The following SOX5 variants were observed in gnomAD, a reference collection of about 807,000 sequenced individuals.
SOX5 encodes the protein SRY-box transcription factor 5, also known as transcription factor SOX-5.
Under a neutral mutation model 92.0 loss-of-function variants are expected in SOX5, and 9 were observed. That is an observed-to-expected ratio of 0.10 (90% confidence interval 0.06 to 0.17). SOX5 has a LOEUF of 0.17. Among genes scored for constraint, SOX5 ranks in the 10% least tolerant of loss-of-function variants. SOX5 has a pLI of 1.00. For synonymous variants in SOX5, 344 were observed against 336.3 expected (o/e 1.02, Z -0.25); for missense variants, 642 against 944.5 (o/e 0.68, Z 4.20).
chr12:23,605,028 C>G (rs1003933036), intron 8 of SOX5, among the ~76,000 whole-genome samples: 1 of 75,532 alleles, frequency 1.3e-5, no homozygotes, highest in African/African-American at 5.3e-5. Context: ...CACTGAAAGG[C>G]AACGGGAAAA....
intron 1 of SOX5, among the ~76,000 whole-genome samples, chr12:23,896,852 A>C (rs573097517): frequency 1.4e-4 from 22 of 152,216 alleles, no homozygotes; most frequent in African/African-American, 5.1e-4. Context: ...CCAAAGAAGG[A>C]TATTTTGTTT....
chr12:23,845,004 C>T (rs1019299664), intron 3 of SOX5, among the ~76,000 whole-genome samples: 4 of 152,132 alleles, frequency 2.6e-5, no homozygotes, highest in African/African-American at 9.7e-5. Context: ...CCCAGTTATG[C>T]ACTTGGTAGG....
chr12:23,831,891 A>T (rs1026441775), intron 3 of SOX5, among the ~76,000 whole-genome samples: 1 of 151,130 alleles, frequency 6.6e-6, no homozygotes, highest in East Asian at 2.0e-4. Context: ...CCTGCTCAGA[A>T]GGAAGAACAC....
chr12:24,366,321 C>T (rs1181033251), intron 2 of SOX5, among the ~76,000 whole-genome samples: 1 of 152,116 alleles, frequency 6.6e-6, no homozygotes, highest in African/African-American at 2.4e-5. Flanking sequence ...GGTGATTCTG[C>T]TCTCTGCTCC....
In SOX5 at chr12:23,543,382, T is replaced by G; in HGVS notation, c.1600A>C (p.Ser534Arg). 1 of 1,612,216 alleles carries G rather than the reference T, an allele frequency of 6.2e-7. No homozygotes were observed. The highest frequency in any genetic ancestry group is 8.5e-7 in the Non-Finnish European group (1 of 1,178,760). Residue 534 changes from serine to arginine, a missense_variant and splice_region_variant, in exon 13 of 15, where the codon AGT becomes CGT. Physicochemically the swap from Ser to Arg is moderately radical, Grantham distance 110. This residue lies in a region of SOX5 where 324 missense variants were observed against 461.6 expected (regional missense o/e 0.70). Transcript: ENST00000451604. ...ATTCTTGACTCTGAGACTCCAGCAC[T>G]TCCTGAAAACAGGAAACATCACTTC... ...DFNLSGDSDG[S>R]AGVSESRIYR...
intron 9 of SOX5, among the ~76,000 whole-genome samples, chr12:23,601,044 A>G (rs562678026): frequency 1.3e-5 from 2 of 152,262 alleles, no homozygotes; most frequent in Non-Finnish European, 2.9e-5. Context: ...AAGTGAAATC[A>G]ATGTCTTGGA....
intron 14 of SOX5, 101 bp downstream of exon 14, chr12:23,536,352 T>C (rs1432190343): frequency 5.4e-6 from 5 of 932,202 alleles, no homozygotes; most frequent in African/African-American, 1.6e-5. Flanking sequence ...GCTCAGATTC[T>C]TTTTCAAAAT....
At chr12:24,080,687 G>A (rs1310777740) in intron 4 of SOX5, among the ~76,000 whole-genome samples, 2 of 151,832 alleles carry the variant, frequency 1.3e-5, no homozygotes, top group East Asian at 1.9e-4. Flanking sequence ...CCAAAATATT[G>A]TTTGCTGCAT....
intron 4 of SOX5, among the ~76,000 whole-genome samples, chr12:24,106,350 G>T (rs1438567235): frequency 6.6e-6 from 1 of 152,172 alleles, no homozygotes; most frequent in African/African-American, 2.4e-5. Flanking sequence ...AAATGGGACT[G>T]TGGATACTTA....
intron 6 of SOX5, among the ~76,000 whole-genome samples, chr12:23,717,296 AT>A (rs2140475849): frequency 6.6e-6 from 1 of 152,296 alleles, no homozygotes; most frequent in Admixed American, 6.5e-5. Flanking sequence ...AAGGCCAAAA[AT>A]ATTCCAGTTG....
chr12:23,732,765 T>C (rs1262488520), intron 6 of SOX5, among the ~76,000 whole-genome samples: 4 of 152,312 alleles, frequency 2.6e-5, no homozygotes, highest in East Asian at 1.9e-4. Flanking sequence ...AGTTCTATTA[T>C]AGTCAGAAAA....
intron 4 of SOX5, among the ~76,000 whole-genome samples, chr12:24,175,904 G>C (rs1216406835): frequency 6.6e-6 from 1 of 152,016 alleles, no homozygotes; most frequent in Admixed American, 6.6e-5. Context: ...TCTTACAAAA[G>C]GGACCCGAAC....
chr12:24,484,611 T>C (rs1440674717), intron 1 of SOX5, among the ~76,000 whole-genome samples: 1 of 152,178 alleles, frequency 6.6e-6, no homozygotes, highest in African/African-American at 2.4e-5. Context: ...TTGAATGGCT[T>C]GTGATAAAAT....
In SOX5 at chr12:24,141,277, A is replaced by T. The variant is rs566457182; in HGVS notation, c.-2+72066T>A. Reference sequence around the variant, plus strand: ...GGTTTACCAGGTGAAGCATATTTATATCCTAAGTGTTGCAAAGTGTTATTA... The same window carrying T: ...GGTTTACCAGGTGAAGCATATTTATTTCCTAAGTGTTGCAAAGTGTTATTA... On this transcript the variant is annotated intron_variant, in intron 4 of 4. Transcript: ENST00000446891. Among the ~76,000 whole-genome samples, 125 of 152,302 alleles carry T rather than the reference A, an allele frequency of 8.2e-4. No homozygotes were observed. In the Middle Eastern group the frequency reaches 0.014, roughly 17 times the overall value.
chr12:23,723,625 TACAC>T (rs1302747819), intron 6 of SOX5, among the ~76,000 whole-genome samples: 1 of 147,226 alleles, frequency 6.8e-6, no homozygotes, highest in Non-Finnish European at 1.5e-5. Flanking sequence ...CAAACACACA[TACAC>T]ACACATATAT....
intron 2 of SOX5, among the ~76,000 whole-genome samples, chr12:24,284,684 C>A (rs1945638785): frequency 6.6e-6 from 1 of 152,222 alleles, no homozygotes; most frequent in South Asian, 2.1e-4. Flanking sequence ...CAGCTGCAGT[C>A]CAGTGACCCT....
At chr12:23,695,940 C>CA (rs71059917) in intron 6 of SOX5, among the ~76,000 whole-genome samples, 1,916 of 11,876 alleles carry the variant, frequency 0.16, 636 homozygotes, top group Middle Eastern at 0.38. Context: ...GACTCTGTCT[C>CA]AAAAAAAAAA....
At chr12:23,720,606 T>C (rs1460427746) in intron 6 of SOX5, among the ~76,000 whole-genome samples, 1 of 152,114 alleles carries the variant, frequency 6.6e-6, no homozygotes, top group East Asian at 1.9e-4. Flanking sequence ...ACTGTAAAAA[T>C]GATCTTTAAA....
At chr12:23,637,255 C>T (rs1566588060) in intron 8 of SOX5, among the ~76,000 whole-genome samples, 1 of 152,192 alleles carries the variant, frequency 6.6e-6, no homozygotes, top group Non-Finnish European at 1.5e-5. Flanking sequence ...TTACCTCAAC[C>T]CATCTTACTG....
Sources: allele counts gnomAD v4.1 joint callset (sites outside exome capture counted in the v4.1 genomes callset), GRCh38; gene constraint gnomAD v4.1.1; regional missense constraint gnomAD v4.1.1; transcripts MANE v1.5; gene names NCBI Gene and HGNC (gene_info 2026-07-23, HGNC 2026-07-21).